The following PFKFB3 variants were observed in gnomAD, a reference collection of about 807,000 sequenced individuals.
PFKFB3 encodes the protein 6-phosphofructo-2-kinase/fructose-2,6-biphosphatase 3.
PFKFB3 carries 33 observed loss-of-function variants against 68.0 expected under a neutral mutation model. The observed-to-expected ratio is 0.49, with a 90% CI of 0.37 to 0.65. PFKFB3 has a LOEUF of 0.65. PFKFB3 is among the 30% of genes least tolerant of loss of function. PFKFB3 has a pLI of 0.00. For synonymous variants in PFKFB3, 315 were observed against 288.2 expected (o/e 1.09, Z -0.94); for missense variants, 586 against 712.2 (o/e 0.82, Z 2.02).
chr10:6,286,229 G>A, the PFKFB3 span, among the ~76,000 whole-genome samples: 4 of 151,742 alleles, frequency 2.6e-5, no homozygotes, highest in East Asian at 3.9e-4. Context: ...TGCCCACCTC[G>A]GCCTCCCAAA....
chr10:6,314,819 A>C, the PFKFB3 span, among the ~76,000 whole-genome samples: 1 of 152,210 alleles, frequency 6.6e-6, no homozygotes, highest in African/African-American at 2.4e-5. Flanking sequence ...TGACGAACCC[A>C]TCATGAGAAG....
At chr10:6,173,037 C>G (rs1183174406) in intron 1 of PFKFB3, among the ~76,000 whole-genome samples, 2 of 152,142 alleles carry the variant, frequency 1.3e-5, no homozygotes, top group African/African-American at 4.8e-5. Context: ...TCTGTGTTCC[C>G]TTCATGGTTT....
intron 14 of PFKFB3, among the ~76,000 whole-genome samples, chr10:6,241,157 G>A (rs1244766813): frequency 2.0e-5 from 3 of 151,816 alleles, no homozygotes; most frequent in Non-Finnish European, 4.4e-5. Context: ...CACCCACCTT[G>A]GCCTCCCAAA....
downstream of PFKFB3, among the ~76,000 whole-genome samples, chr10:6,235,747 T>C (rs1845992130): frequency 6.7e-6 from 1 of 150,370 alleles, no homozygotes; most frequent in South Asian, 2.1e-4. Context: ...TTTTTATTTT[T>C]AATTTAATTT....
upstream of PFKFB3, among the ~76,000 whole-genome samples, chr10:6,200,044 C>T (rs560584100): frequency 6.9e-6 from 1 of 144,194 alleles, no homozygotes; most frequent in East Asian, 2.0e-4. Flanking sequence ...ACCAACAAAA[C>T]CAACAAAAAC....
chr10:6,326,536 T>G, the PFKFB3 span: 8 of 455,820 alleles, frequency 1.8e-5, no homozygotes, highest in Admixed American at 1.4e-4. Flanking sequence ...AACCCCAAAT[T>G]GTCTTCTAGA....
At chr10:6,206,793 C>T (rs1843761635) in intron 1 of PFKFB3, among the ~76,000 whole-genome samples, 1 of 112,864 alleles carries the variant, frequency 8.9e-6, no homozygotes, top group African/African-American at 3.6e-5. Context: ...GTCCTCACAT[C>T]CCAGACGATG....
exon 1 of PFKFB3, chr10:6,144,942 G>T: frequency 8.0e-6 from 10 of 1,244,420 alleles, no homozygotes; most frequent in Non-Finnish European, 1.0e-5. Context: ...CTGCCGCTTG[G>T]ACGTCGTCCT....
At chr10:6,155,037 C>T (rs1237350921) in intron 1 of PFKFB3, among the ~76,000 whole-genome samples, 2 of 152,044 alleles carry the variant, frequency 1.3e-5, no homozygotes, top group Non-Finnish European at 2.9e-5. Context: ...TCCACTGTGC[C>T]CCAGGTCAGT....
chr10:6,217,260 G>A, intron 6 of PFKFB3, 69 bp downstream of exon 6: 1 of 1,383,886 alleles, frequency 7.2e-7, no homozygotes, highest in South Asian at 1.2e-5. Context: ...GTCTGAGGAA[G>A]TGGGGGACCG....
chr10:6,195,686 G>C (rs1353944777), intron 1 of PFKFB3, among the ~76,000 whole-genome samples: 1 of 152,244 alleles, frequency 6.6e-6, no homozygotes, highest in Non-Finnish European at 1.5e-5. Context: ...AGAGTATTCG[G>C]GGGGCTCCCC....
chr10:6,220,213 C>T lies in PFKFB3; in HGVS notation c.624-445C>T, dbSNP rs901781116. On this transcript the variant is annotated intron_variant, in intron 7 of 14. Coordinates refer to ENST00000379775, the MANE Select transcript of PFKFB3 (RefSeq NM_004566.4). The surrounding 1 kb of genome is among the most constrained non-coding windows in gnomAD (Gnocchi z 4.1). ...AACTTCTGGGCTCAAGTAATCCTAC[C>T]GCCTCAGCCTCATGAGTAACTGGGA... 1.0e-4 allele frequency among the ~76,000 whole-genome samples: 15 copies of T among 145,276 alleles called. No individual in the cohort carries two copies. The highest frequency in any genetic ancestry group is 4.0e-4 in the Admixed American group (6 of 14,878).
At chr10:6,240,367 C>G (rs749415257), downstream of PFKFB3, among the ~76,000 whole-genome samples, 2 of 152,060 alleles carry the variant, frequency 1.3e-5, no homozygotes, top group Non-Finnish European at 1.5e-5. Flanking sequence ...TGGGTTCAAG[C>G]GATTCTTGTG....
Position 6,248,176 on chromosome 10 carries a change from T to C in PFKFB3, c.1516-6002T>C, listed in dbSNP as rs964373166. 2.6e-5 allele frequency among the ~76,000 whole-genome samples: 4 copies of C among 152,334 alleles called. No homozygotes were observed. In the South Asian group the frequency reaches 8.3e-4, roughly 32 times the overall value. ...ACCTTTTCTTTCACTGTTATTGTTGTGATTTCCCTGGAAATATATTCACCC... is the reference window on the plus strand; with the variant it reads ...ACCTTTTCTTTCACTGTTATTGTTGCGATTTCCCTGGAAATATATTCACCC... On this transcript the variant is annotated intron_variant, in intron 14 of 14. Coordinates refer to the PFKFB3 transcript ENST00000640683.
chr10:6,156,727 C>T (rs57937056), intron 1 of PFKFB3, among the ~76,000 whole-genome samples: 38,825 of 151,484 alleles, frequency 0.26, 5,832 homozygotes, highest in East Asian at 0.65. Context: ...ACCTCGTGAT[C>T]CGCCCACCTT....
chr10:6,187,703 AG>A (rs1842908816), intron 1 of PFKFB3, among the ~76,000 whole-genome samples: 1 of 152,230 alleles, frequency 6.6e-6, no homozygotes, highest in African/African-American at 2.4e-5. Context: ...GGTTTAAAAA[AG>A]GTAAGAATTT....
Position 6,233,176 on chromosome 10 carries a change from C to CT in PFKFB3, c.*235dup, listed in dbSNP as rs1412544286. ...CTGCCTTTAGCCGTGGGGCCCCCACCTCCACTCTCTGGGTTTCCTAGGAAT... is the reference window on the plus strand; with the variant it reads ...CTGCCTTTAGCCGTGGGGCCCCCACCTTCCACTCTCTGGGTTTCCTAGGAAT... On this transcript the variant is annotated 3_prime_UTR_variant, in exon 15 of 15. Coordinates refer to ENST00000379775, the MANE Select transcript of PFKFB3 (RefSeq NM_004566.4). 1.9e-6 allele frequency: 1 copy of CT among 530,710 alleles called. No individual in the cohort carries two copies. Among genetic ancestry groups the CT allele is most frequent in the Non-Finnish European group, 3.4e-6 (1 of 295,956 alleles). 32.9% of individuals were successfully genotyped at this position (530,710 alleles called of 1,614,324 possible).
Position 6,150,143 on chromosome 10 carries a change from A to T in PFKFB3, c.16+5130A>T, listed in dbSNP as rs552496434. Among the ~76,000 whole-genome samples the T allele has an allele frequency of 1.9e-3, 292 of 152,300 alleles. 1 individual carries two copies. The highest frequency in any genetic ancestry group is 3.7e-3 in the Non-Finnish European group (252 of 68,040). On this transcript the variant is annotated intron_variant, in intron 1 of 14. Coordinates refer to the PFKFB3 transcript ENST00000379789. ...ACCTCTTGCAGGCATATCTTGTCCC[A>T]TAACCAGACCGGAACACTCATTTGT... is the stretch of plus-strand genomic sequence containing the variant.
intron 1 of PFKFB3, chr10:6,197,753 T>G (rs995522002): frequency 2.6e-5 from 4 of 152,304 alleles, no homozygotes; most frequent in African/African-American, 9.7e-5. Context: ...GGGGCTGGTC[T>G]TGCTGTCTCA....
Sources: allele counts gnomAD v4.1 joint callset (sites outside exome capture counted in the v4.1 genomes callset), GRCh38; gene constraint gnomAD v4.1.1; non-coding constraint Gnocchi (gnomAD v3.1); transcripts MANE v1.5; gene names NCBI Gene and HGNC (gene_info 2026-07-23, HGNC 2026-07-21).